RAP1GDS1: variants seen among roughly 807,000 people sequenced by gnomAD.
The protein encoded by RAP1GDS1 is Rap1 GTPase-GDP dissociation stimulator 1, also known as RAP1, GTP-GDP dissociation stimulator 1.
A neutral mutation model predicts 71.1 loss-of-function variants in RAP1GDS1; 35 were observed. The observed-to-expected ratio is 0.49, with a 90% confidence interval of 0.38 to 0.65. The LOEUF is 0.65. Among genes scored for constraint, RAP1GDS1 ranks in the 30% least tolerant of loss-of-function variants. The pLI is 0.00. For synonymous variants in RAP1GDS1, 229 were observed against 243.1 expected, an observed-to-expected ratio of 0.94 and a Z score of 0.54; for missense variants, 663 against 706.1, an observed-to-expected ratio of 0.94 and a Z score of 0.69.
At chr4:98,300,895 A>G (rs750704798) in intron 2 of RAP1GDS1, among the ~76,000 whole-genome samples, 2 of 152,040 alleles carry the variant, frequency 1.3e-5, no homozygotes, top group Non-Finnish European at 2.9e-5. Flanking sequence ...AGCAGTAAAA[A>G]CTTTTGTTGT....
intron 1 of RAP1GDS1, 163 bp downstream of exon 1, chr4:98,261,732 G>C: frequency 1.0e-6 from 1 of 969,234 alleles, no homozygotes; most frequent in Non-Finnish European, 1.5e-6. Flanking sequence ...CGGAACGCAC[G>C]CCGGGTGCCG....
chr4:98,331,765 A>C (rs1734050420), intron 2 of RAP1GDS1, among the ~76,000 whole-genome samples: 1 of 152,194 alleles, frequency 6.6e-6, no homozygotes, highest in African/African-American at 2.4e-5. Flanking sequence ...TCCCAAAGTT[A>C]ATTCTAGGTC....
chr4:98,381,905 ATTAT>A (rs1411492097), intron 5 of RAP1GDS1, among the ~76,000 whole-genome samples: 1 of 151,564 alleles, frequency 6.6e-6, no homozygotes, highest in Admixed American at 6.6e-5. Flanking sequence ...ATATTTTCAA[ATTAT>A]TTATTAGTCT....
intron 6 of RAP1GDS1, among the ~76,000 whole-genome samples, chr4:98,392,927 C>T (rs933301860): frequency 1.3e-5 from 2 of 152,100 alleles, no homozygotes; most frequent in Non-Finnish European, 1.5e-5. Flanking sequence ...GAAACACATC[C>T]TAGTCATAAC....
intron 4 of RAP1GDS1, among the ~76,000 whole-genome samples, chr4:98,359,664 T>C (rs146403453): frequency 7.9e-5 from 12 of 152,328 alleles, no homozygotes; most frequent in African/African-American, 2.9e-4. Context: ...CATTAATGTA[T>C]AGTGTGCTTA....
chr4:98,406,962 TACGTGTTACAAGTAAAGACCTA>T (rs1746211851), intron 7 of RAP1GDS1, among the ~76,000 whole-genome samples: 1 of 152,154 alleles, frequency 6.6e-6, no homozygotes, highest in South Asian at 2.1e-4. Flanking sequence ...TCTCAGATCT[TACGTGTTACAAGTAAAGACCTA>T]TTCAGAGGGA....
intron 4 of RAP1GDS1, among the ~76,000 whole-genome samples, chr4:98,372,204 C>T (rs1740485142): frequency 6.6e-6 from 1 of 152,004 alleles, no homozygotes; most frequent in Non-Finnish European, 1.5e-5. Context: ...GCTCTGCCAC[C>T]CAGGTTAGCG....
intron 2 of RAP1GDS1, among the ~76,000 whole-genome samples, chr4:98,341,258 C>T (rs1440346238): frequency 6.6e-6 from 1 of 151,824 alleles, no homozygotes. Context: ...TATGTTTTTC[C>T]CTTTTATTTC....
chr4:98,316,531 G>A (rs1181975215), intron 2 of RAP1GDS1, among the ~76,000 whole-genome samples: 1 of 152,098 alleles, frequency 6.6e-6, no homozygotes, highest in East Asian at 1.9e-4. Flanking sequence ...GATGATGGCA[G>A]GAGTTGAAGG....
At chr4:98,364,661 G>A (rs1039827527) in intron 4 of RAP1GDS1, among the ~76,000 whole-genome samples, 3 of 152,036 alleles carry the variant, frequency 2.0e-5, no homozygotes, top group Non-Finnish European at 4.4e-5. Context: ...AGAACATAGA[G>A]TAGAACCAAG....
At chr4:98,393,417 A>G (rs1362911258) in intron 6 of RAP1GDS1, among the ~76,000 whole-genome samples, 1 of 152,164 alleles carries the variant, frequency 6.6e-6, no homozygotes, top group East Asian at 1.9e-4. Context: ...CATTCAAGTG[A>G]GACCAAGAAT....
chr4:98,424,481 G>T (rs1182663622), intron 12 of RAP1GDS1, among the ~76,000 whole-genome samples: 1 of 152,200 alleles, frequency 6.6e-6, no homozygotes, highest in African/African-American at 2.4e-5. Flanking sequence ...TAGAAAACCA[G>T]CTGAGTGCGG....
At chr4:98,300,206 T>C (rs1025550963) in intron 2 of RAP1GDS1, among the ~76,000 whole-genome samples, 2 of 152,080 alleles carry the variant, frequency 1.3e-5, no homozygotes, top group Non-Finnish European at 2.9e-5. Flanking sequence ...GCACCCTGAT[T>C]AGGTGGTGGT....
At chr4:98,415,769 A>G (rs1232180155) in intron 7 of RAP1GDS1, among the ~76,000 whole-genome samples, 2 of 152,198 alleles carry the variant, frequency 1.3e-5, no homozygotes, top group Non-Finnish European at 2.9e-5. Flanking sequence ...GAAAGGTTCA[A>G]GGTTATTTTT....
chr4:98,429,748 C>T (rs781216911), intron 12 of RAP1GDS1, among the ~76,000 whole-genome samples: 10 of 152,100 alleles, frequency 6.6e-5, no homozygotes, highest in Admixed American at 1.3e-4. Context: ...AGGTTGGACA[C>T]GCTTGGTTTA....
intron 4 of RAP1GDS1, among the ~76,000 whole-genome samples, chr4:98,353,198 T>A (rs1737473896): frequency 6.6e-6 from 1 of 152,206 alleles, no homozygotes; most frequent in Non-Finnish European, 1.5e-5. Context: ...CAATTTCTAC[T>A]TCCCCTTTCT....
chr4:98,272,705 T>C (rs1204664945), intron 1 of RAP1GDS1, among the ~76,000 whole-genome samples: 1 of 152,164 alleles, frequency 6.6e-6, no homozygotes, highest in Non-Finnish European at 1.5e-5. Flanking sequence ...ATGACCTTTT[T>C]TTGGTGCAAG....
chr4:98,434,769 T>C (rs1750923634), intron 13 of RAP1GDS1, among the ~76,000 whole-genome samples: 1 of 151,994 alleles, frequency 6.6e-6, no homozygotes, highest in Non-Finnish European at 1.5e-5. Context: ...TACAGGTGCA[T>C]GCCACTGTGC....
In RAP1GDS1 at chr4:98,443,775, A is replaced by C. The variant is rs1427163239; in HGVS notation, c.*1658A>C. The C allele has an allele frequency of 1.1e-5, 2 of 186,790 alleles. No homozygotes were observed. Among genetic ancestry groups the C allele is most frequent in the Non-Finnish European group, 2.3e-5 (2 of 88,498 alleles). 11.6% of individuals were successfully genotyped at this position (186,790 alleles called of 1,614,324 possible). The stretch of plus-strand genomic sequence containing the variant: ...TTTCTCCTGGGCTGGATAGTGGACT[A>C]TATTTTATTACAGGCTTTGAAAGAC... On this transcript the variant is annotated 3_prime_UTR_variant, in exon 15 of 15. Transcript: ENST00000408927.
Sources: allele counts gnomAD v4.1 joint callset (sites outside exome capture counted in the v4.1 genomes callset), GRCh38; gene constraint gnomAD v4.1.1; transcripts MANE v1.5; gene names NCBI Gene and HGNC (gene_info 2026-07-23, HGNC 2026-07-21).